Variants in EFHB observed in about 807,000 individuals in gnomAD.
EFHB encodes EF-hand domain family member B.
EFHB carries 91 observed loss-of-function variants against 87.2 expected under a neutral mutation model. The ratio of observed to expected loss-of-function variants is 1.04; its 90% CI spans 0.88 to 1.24. The LOEUF is 1.24. Among genes scored for constraint, EFHB ranks in the 50% most tolerant of loss-of-function variants. EFHB has a pLI of 0.00. For synonymous variants in EFHB, 325 were observed against 333.6 expected, an observed-to-expected ratio of 0.97 and a Z score of 0.28; for missense variants, 1,084 against 998.8, an observed-to-expected ratio of 1.09 and a Z score of -1.15.
Position 19,940,242 on chromosome 3 carries a change from T to C in EFHB, c.-31-3908A>G, listed in dbSNP as rs1054291998. The C allele has an allele frequency of 2.5e-5, 5 of 201,856 alleles. No individual in the cohort carries two copies. In the East Asian group the frequency reaches 4.4e-4, roughly 18 times the overall value. The allele number at this position is 201,856 out of a possible 1,614,324, so 12.5% of individuals were successfully genotyped here. On this transcript the variant is annotated intron_variant, in intron 1 of 14. Transcript: ENST00000344838. ...TCAGTGTTTTAAGTGTGTGGAACAA[T>C]GCTACATCTGTACTTGGGCTGGCTT... is the stretch of plus-strand genomic sequence containing the variant.
intron 5 of EFHB, among the ~76,000 whole-genome samples, chr3:19,910,519 G>C (rs1468080226): frequency 6.6e-6 from 1 of 152,166 alleles, no homozygotes; most frequent in African/African-American, 2.4e-5. Flanking sequence ...CCAGGGCCTG[G>C]GGGACCTCAC....
intron 9 of EFHB, chr3:19,894,355 C>T (rs1694403026): frequency 6.6e-6 from 1 of 152,216 alleles, no homozygotes; most frequent in Non-Finnish European, 1.5e-5. Flanking sequence ...TAGCACACTA[C>T]TGCTACCCAA....
chr3:19,883,161 C>T (rs1199017133), intron 11 of EFHB, among the ~76,000 whole-genome samples: 1 of 151,880 alleles, frequency 6.6e-6, no homozygotes, highest in African/African-American at 2.4e-5. Context: ...CCATCATGCC[C>T]AGCTAATTTT....
At position 19,901,385 on chromosome 3, in the gene EFHB, T is replaced by G. The variant is rs543747668; in HGVS notation, c.1419-1870A>C. Among the ~76,000 whole-genome samples, 3 of 152,218 alleles carry G rather than the reference T, an allele frequency of 2.0e-5. No individual in the cohort carries two copies. The South Asian group carries it at 6.2e-4, about 32-fold the overall frequency. Reference sequence around the variant, plus strand: ...ACATTAAAATTAATAAATTCTCTATTGTTTTGCTAAGACTAAAGACAATGA... The same window carrying G: ...ACATTAAAATTAATAAATTCTCTATGGTTTTGCTAAGACTAAAGACAATGA... On this transcript the variant is annotated intron_variant, in intron 6 of 12. Coordinates refer to ENST00000295824, the MANE Select transcript of EFHB (RefSeq NM_144715.4).
chr3:19,939,025 G>T (rs1488436240), upstream of EFHB, among the ~76,000 whole-genome samples: 5 of 152,050 alleles, frequency 3.3e-5, no homozygotes, highest in Non-Finnish European at 7.4e-5. Context: ...TCCTGCCTCA[G>T]CCTCCCTTGT....
At chr3:19,903,715 C>T (rs983137787) in intron 6 of EFHB, among the ~76,000 whole-genome samples, 4 of 152,036 alleles carry the variant, frequency 2.6e-5, no homozygotes, top group African/African-American at 9.6e-5. Flanking sequence ...GTATCAGAAA[C>T]TCATGTAATA....
rs556263296 is a variant in EFHB at position 19,893,492 on chromosome 3, A to G, written c.1725+3195T>C. ...AGCTCTTGGAGAGAGAACACTTTAG[A>G]CCCAGGATGTTCAGGGGAGTGACAG... is the stretch of plus-strand genomic sequence containing the variant. On this transcript the variant is annotated intron_variant, in intron 9 of 12. Transcript: ENST00000295824. 2.6e-5 allele frequency among the ~76,000 whole-genome samples: 4 copies of G among 152,254 alleles called. No individual in the cohort carries two copies. In the South Asian group the frequency reaches 8.3e-4, roughly 32 times the overall value.
intron 8 of EFHB, among the ~76,000 whole-genome samples, chr3:19,898,070 T>C (rs528929231): frequency 3.5e-4 from 53 of 152,316 alleles, no homozygotes; most frequent in Admixed American, 7.8e-4. Context: ...GCCCATGTTT[T>C]GAAAACCACT....
At chr3:19,902,182 CTT>C (rs1026951365) in intron 6 of EFHB, among the ~76,000 whole-genome samples, 1 of 152,120 alleles carries the variant, frequency 6.6e-6, no homozygotes, top group Non-Finnish European at 1.5e-5. Flanking sequence ...AGATAAAGCT[CTT>C]TGTGTGCCAG....
intron 9 of EFHB, among the ~76,000 whole-genome samples, chr3:19,891,461 T>C (rs1482246874): frequency 6.6e-6 from 1 of 152,190 alleles, no homozygotes; most frequent in Non-Finnish European, 1.5e-5. Flanking sequence ...TCTAAATGCC[T>C]GGGCCTGTTT....
chr3:19,903,414 C>G (rs1694737625), intron 6 of EFHB, among the ~76,000 whole-genome samples: 1 of 151,988 alleles, frequency 6.6e-6, no homozygotes, highest in Non-Finnish European at 1.5e-5. Flanking sequence ...AAACTGATAG[C>G]AAGTTTATAT....
rs1482765245 is a variant in EFHB at position 19,893,761 on chromosome 3, T to C, written c.1725+2926A>G. Among the ~76,000 whole-genome samples the C allele has an allele frequency of 2.6e-5, 4 of 152,104 alleles. No individual in the cohort carries two copies. The South Asian group carries it at 8.3e-4, about 32-fold the overall frequency. ...CTTTGGGTATCTTCCCCAGCCCCATTTGCAGTCATTCCACAAGGTGAGCAA... is the reference window on the plus strand; with the variant it reads ...CTTTGGGTATCTTCCCCAGCCCCATCTGCAGTCATTCCACAAGGTGAGCAA... On this transcript the variant is annotated intron_variant, in intron 9 of 12. Transcript: ENST00000295824.
chr3:19,896,068 C>G (rs1275145657), intron 9 of EFHB, among the ~76,000 whole-genome samples: 2 of 152,220 alleles, frequency 1.3e-5, no homozygotes, highest in African/African-American at 2.4e-5. Context: ...AAAAGACATT[C>G]TAAGCTTGAC....
At chr3:19,920,072 T>TTTACTACATACATGCACTTAA in intron 2 of EFHB, 96 bp from the exon 3 acceptor site, 1 of 1,291,972 alleles carries the variant, frequency 7.7e-7, no homozygotes. Flanking sequence ...CTTAAGTGCA[T>TTTACTACATACATGCACTTAA]GTATGTAGTA....
At chr3:19,880,768 A>G (rs1196059319) in intron 12 of EFHB, among the ~76,000 whole-genome samples, 3 of 152,194 alleles carry the variant, frequency 2.0e-5, no homozygotes, top group African/African-American at 4.8e-5. Context: ...CATGCTTCTT[A>G]TGTCTTAAGA....
At chr3:19,904,468 C>T (rs1303693795) in intron 6 of EFHB, among the ~76,000 whole-genome samples, 3 of 152,268 alleles carry the variant, frequency 2.0e-5, no homozygotes, top group Middle Eastern at 3.4e-3. Context: ...CCTCCCAAAG[C>T]ACTGGGACTA....
chr3:19,915,080 C>A (rs1695180371), intron 5 of EFHB, among the ~76,000 whole-genome samples: 1 of 151,676 alleles, frequency 6.6e-6, no homozygotes, highest in African/African-American at 2.4e-5. Context: ...CAACAGAGAC[C>A]CCTGTCTAAA....
intron 1 of EFHB, among the ~76,000 whole-genome samples, chr3:19,931,012 A>T (rs146809527): frequency 8.2e-4 from 125 of 152,246 alleles, no homozygotes; most frequent in Admixed American, 1.4e-3. Context: ...GAAGGAAAAA[A>T]AATTAGCCGG....
intron 1 of EFHB, among the ~76,000 whole-genome samples, chr3:19,925,535 T>A (rs1695591428): frequency 6.6e-6 from 1 of 152,176 alleles, no homozygotes; most frequent in Non-Finnish European, 1.5e-5. Flanking sequence ...TATATTTACT[T>A]ATCTGCTTAG....
Sources: allele counts gnomAD v4.1 joint callset (sites outside exome capture counted in the v4.1 genomes callset), GRCh38; gene constraint gnomAD v4.1.1; transcripts MANE v1.5; gene names NCBI Gene and HGNC (gene_info 2026-07-23, HGNC 2026-07-21).